Variants in PPP2R5E observed in about 807,000 individuals in gnomAD.
PPP2R5E encodes the protein protein phosphatase 2 regulatory subunit B'epsilon, also known as serine/threonine-protein phosphatase 2A 56 kDa regulatory subunit epsilon isoform.
Under a neutral mutation model 65.3 loss-of-function variants are expected in PPP2R5E, and 4 were observed. That is an observed-to-expected ratio of 0.06 (90% CI 0.03 to 0.14). PPP2R5E has a LOEUF of 0.14. PPP2R5E is among the 10% of genes least tolerant of loss of function. PPP2R5E has a pLI of 1.00. For synonymous variants in PPP2R5E, 183 were observed against 187.4 expected (o/e 0.98, Z 0.19); for missense variants, 274 against 556.1 (o/e 0.49, Z 5.10).
intron 13 of PPP2R5E, among the ~76,000 whole-genome samples, chr14:63,377,145 T>C (rs1288891551): frequency 6.8e-6 from 1 of 146,650 alleles, no homozygotes; most frequent in Non-Finnish European, 1.5e-5. Flanking sequence ...CAAGACTCCG[T>C]CTCCAAAAAA....
intron 13 of PPP2R5E, among the ~76,000 whole-genome samples, chr14:63,379,292 A>T (rs921866721): frequency 1.3e-5 from 2 of 151,194 alleles, no homozygotes; most frequent in Non-Finnish European, 2.9e-5. Flanking sequence ...CCTCCCAAAG[A>T]GCTGGGATTC....
intron 3 of PPP2R5E, chr14:63,451,291 T>C (rs540396877): frequency 1.3e-5 from 2 of 152,320 alleles, no homozygotes; most frequent in African/African-American, 4.8e-5. Flanking sequence ...TTATTCATAA[T>C]TGCCAAAATT....
Position 63,378,783 on chromosome 14 carries a change from A to C in PPP2R5E, c.1305-2675T>G, listed in dbSNP as rs567985399. 5.3e-5 allele frequency among the ~76,000 whole-genome samples: 8 copies of C among 152,360 alleles called. No homozygotes were observed. The East Asian group carries it at 1.4e-3, about 26-fold the overall frequency. ...TTGGCATATGTATCTAACAGTGTTA[A>C]GTACTTATTCCACCCACCATTTTCA... On this transcript the variant is annotated intron_variant, in intron 13 of 13. Transcript: ENST00000337537.
intron 4 of PPP2R5E, among the ~76,000 whole-genome samples, chr14:63,420,584 C>T (rs1224886282): frequency 2.0e-5 from 3 of 152,168 alleles, no homozygotes; most frequent in Non-Finnish European, 4.4e-5. Context: ...CCCCCAAAAG[C>T]TCTCTACGTA....
chr14:63,422,670 T>G (rs530520381), intron 3 of PPP2R5E, among the ~76,000 whole-genome samples: 1 of 135,084 alleles, frequency 7.4e-6, no homozygotes, highest in Non-Finnish European at 1.5e-5. Flanking sequence ...GAGCCTGCAG[T>G]AAGCCGAGAT....
At chr14:63,493,994 C>A (rs1258954433) in intron 2 of PPP2R5E, among the ~76,000 whole-genome samples, 1 of 152,078 alleles carries the variant, frequency 6.6e-6, no homozygotes, top group African/African-American at 2.4e-5. Flanking sequence ...TAAAACGCAA[C>A]GTCTAAAGCA....
rs564266300 is a variant in PPP2R5E, at chr14:63,389,036, G to A, written c.1074+576C>T. Among the ~76,000 whole-genome samples, 147 of 152,224 alleles carry A rather than the reference G, an allele frequency of 9.7e-4. 2 individuals carry two copies. The highest frequency in any genetic ancestry group is 3.4e-3 in the African/African-American group (142 of 41,518). On this transcript the variant is annotated intron_variant, in intron 11 of 13. Coordinates refer to ENST00000337537, the MANE Select transcript of PPP2R5E (RefSeq NM_006246.5). ...AGGAGGCAGAGCAGTGCTATGGGAA[G>A]GTCACCGGCTTTAGCAAGCAGCTAC...
chr14:63,472,490 T>C (rs915403872), intron 2 of PPP2R5E, among the ~76,000 whole-genome samples: 1 of 152,262 alleles, frequency 6.6e-6, no homozygotes, highest in African/African-American at 2.4e-5. Context: ...TGTTTCATTT[T>C]GTTTTGAACA....
At chr14:63,491,925 A>AT (rs1491260475) in intron 2 of PPP2R5E, among the ~76,000 whole-genome samples, 9 of 152,148 alleles carry the variant, frequency 5.9e-5, no homozygotes, top group Non-Finnish European at 1.0e-4. Flanking sequence ...TTAAAATTAC[A>AT]TATGTGTCCT....
At chr14:63,395,362 G>A in intron 6 of PPP2R5E, 77 bp from the exon 7 acceptor site, 1 of 916,792 alleles carries the variant, frequency 1.1e-6, no homozygotes, top group Non-Finnish European at 1.7e-6. Flanking sequence ...GGAGGAGGAG[G>A]AGGAGAAGGG....
At chr14:63,520,340 G>C (rs114123259) in intron 2 of PPP2R5E, among the ~76,000 whole-genome samples, 3,690 of 152,222 alleles carry the variant, frequency 0.024, 154 homozygotes, top group African/African-American at 0.084. Flanking sequence ...CAGCCAAGAA[G>C]AACCTTATCA....
At chr14:63,527,567 T>C (rs1348761306) in intron 2 of PPP2R5E, among the ~76,000 whole-genome samples, 1 of 152,228 alleles carries the variant, frequency 6.6e-6, no homozygotes, top group Non-Finnish European at 1.5e-5. Flanking sequence ...ACCTGCCTTC[T>C]GGAATTTAAT....
intron 2 of PPP2R5E, among the ~76,000 whole-genome samples, chr14:63,500,868 A>G (rs1204536734): frequency 6.9e-6 from 1 of 145,332 alleles, no homozygotes; most frequent in Admixed American, 6.9e-5. Flanking sequence ...CCGCATCTCT[A>G]AAAAAAAAAA....
chr14:63,402,240 C>T (rs1480716834), intron 5 of PPP2R5E, among the ~76,000 whole-genome samples: 1 of 152,204 alleles, frequency 6.6e-6, no homozygotes, highest in Non-Finnish European at 1.5e-5. Flanking sequence ...GAAAGACCTA[C>T]AGATATGCTA....
At chr14:63,465,477 CAACT>C (rs1246245056) in intron 2 of PPP2R5E, among the ~76,000 whole-genome samples, 6 of 67,538 alleles carry the variant, frequency 8.9e-5, no homozygotes, top group African/African-American at 8.3e-4. Context: ...AAAAAAACAA[CAACT>C]AACAAAAGAT....
intron 4 of PPP2R5E, among the ~76,000 whole-genome samples, chr14:63,418,841 CTTTTTT>C (rs772740856): frequency 3.5e-4 from 37 of 105,090 alleles, no homozygotes; most frequent in African/African-American, 8.6e-4. Context: ...AATTTTTTTA[CTTTTTT>C]TTTTTTTTTT....
chr14:63,446,828 C>A (rs1888503015), intron 3 of PPP2R5E, among the ~76,000 whole-genome samples: 5 of 92,136 alleles, frequency 5.4e-5, no homozygotes, highest in East Asian at 2.8e-4. Flanking sequence ...GACTCCATCT[C>A]AAAAAAAAAA....
chr14:63,469,357 CA>C (rs1375951924), intron 2 of PPP2R5E, among the ~76,000 whole-genome samples: 9 of 152,038 alleles, frequency 5.9e-5, no homozygotes, highest in Admixed American at 4.6e-4. Context: ...AAGTACAGTC[CA>C]GGGGGAAGCA....
intron 11 of PPP2R5E, among the ~76,000 whole-genome samples, chr14:63,386,192 C>T (rs985335275): frequency 1.3e-5 from 2 of 152,092 alleles, no homozygotes; most frequent in Non-Finnish European, 2.9e-5. Context: ...GTTCAAAAAA[C>T]AAAACAAAAC....
Sources: allele counts gnomAD v4.1 joint callset (sites outside exome capture counted in the v4.1 genomes callset), GRCh38; gene constraint gnomAD v4.1.1; transcripts MANE v1.5; gene names NCBI Gene and HGNC (gene_info 2026-07-23, HGNC 2026-07-21).